DAB1: variants seen among roughly 807,000 people sequenced by gnomAD.
The protein encoded by DAB1 is disabled homolog 1.
In DAB1, 15 loss-of-function variants were observed where a neutral mutation model predicts 64.6. The ratio of observed to expected loss-of-function variants is 0.23; its 90% CI spans 0.16 to 0.36. DAB1 has a LOEUF of 0.36. Ranked by LOEUF, DAB1 falls within the 10% of genes least tolerant of loss-of-function variation. DAB1 has a pLI of 1.00. For missense variants in DAB1, 596 were observed against 706.7 expected (o/e 0.84, Z 1.78); for synonymous variants, 235 against 251.9 (o/e 0.93, Z 0.64).
intron 4 of DAB1, among the ~76,000 whole-genome samples, chr1:57,102,967 A>G (rs941344270): frequency 1.2e-4 from 19 of 152,216 alleles, no homozygotes; most frequent in Middle Eastern, 6.8e-3. Flanking sequence ...TTTCTCCCCA[A>G]AATGGCAGGG....
chr1:57,376,020 G>C (rs1221301475), intron 1 of DAB1, among the ~76,000 whole-genome samples: 5 of 152,154 alleles, frequency 3.3e-5, no homozygotes, highest in African/African-American at 1.2e-4. Context: ...TGCACTCCCA[G>C]AGGTATGAAC....
At chr1:58,533,844 A>C in intron 1 of DAB1, 1 of 722,024 alleles carries the variant, frequency 1.4e-6, no homozygotes, top group Non-Finnish European at 2.5e-6. Context: ...CCCAAAACTA[A>C]AAGTCTATCA....
At position 57,192,129 on chromosome 1, in the gene DAB1, C is replaced by T. The variant is rs368010457; in HGVS notation, c.68-46700G>A. ...GTCAGGAGTTTGAGACTAGCCTTGC[C>T]AACATGGTAAAACTCTGTCTCTACT... On this transcript the variant is annotated intron_variant, in intron 2 of 14. Transcript: ENST00000371236. 3.2e-4 allele frequency among the ~76,000 whole-genome samples: 49 copies of T among 152,034 alleles called. 1 individual carries two copies. The South Asian group carries it at 8.3e-3, about 26-fold the overall frequency.
chr1:57,859,271 C>A (rs980162818), intron 1 of DAB1, among the ~76,000 whole-genome samples: 2 of 152,132 alleles, frequency 1.3e-5, no homozygotes, highest in Non-Finnish European at 2.9e-5. Context: ...ATTAGTGATT[C>A]GTATTTGCTG....
intron 3 of DAB1, among the ~76,000 whole-genome samples, chr1:58,374,010 ACTTTTTGATGGGGTT>A (rs1313567207): frequency 1.8e-5 from 2 of 110,076 alleles, no homozygotes; most frequent in Non-Finnish European, 3.9e-5. Flanking sequence ...TCCTTCGCCC[ACTTTTTGATGGGGTT>A]CTTTGTTTTT....
chr1:58,166,067 G>A (rs1165354478), intron 4 of DAB1, among the ~76,000 whole-genome samples: 2 of 152,146 alleles, frequency 1.3e-5, no homozygotes, highest in African/African-American at 2.4e-5. Context: ...ATGCAATTTT[G>A]CCTCTCTGTA....
chr1:58,155,365 C>A (rs768256290), intron 4 of DAB1, among the ~76,000 whole-genome samples: 61 of 152,130 alleles, frequency 4.0e-4, no homozygotes, highest in Non-Finnish European at 7.1e-4. Context: ...CAATTTAGGA[C>A]AGGGTGCTGC....
chr1:57,587,316 T>G (rs1481479709), intron 7 of DAB1, among the ~76,000 whole-genome samples: 1 of 152,192 alleles, frequency 6.6e-6, no homozygotes, highest in African/African-American at 2.4e-5. Flanking sequence ...GGGATAATAA[T>G]ATCCCACATT....
intron 7 of DAB1, among the ~76,000 whole-genome samples, chr1:57,474,930 C>T (rs1012502445): frequency 6.6e-6 from 1 of 152,032 alleles, no homozygotes; most frequent in South Asian, 2.1e-4. Flanking sequence ...GAGATTATAG[C>T]CTGTGCTCCG....
chr1:57,030,351 A>G (rs1010322928), intron 9 of DAB1, among the ~76,000 whole-genome samples: 1 of 152,242 alleles, frequency 6.6e-6, no homozygotes, highest in Admixed American at 6.5e-5. Context: ...AGACTAATAC[A>G]GAGGCCCAAC....
chr1:58,289,685 A>C (rs552284263), intron 4 of DAB1, among the ~76,000 whole-genome samples: 1 of 152,304 alleles, frequency 6.6e-6, no homozygotes, highest in African/African-American at 2.4e-5. Context: ...ATGATTTAGA[A>C]TTTGCTACGG....
intron 11 of DAB1, among the ~76,000 whole-genome samples, chr1:57,021,173 G>A (rs979348253): frequency 5.9e-5 from 9 of 152,204 alleles, no homozygotes; most frequent in African/African-American, 2.2e-4. Flanking sequence ...TGTTCTAAAA[G>A]TTGAAATCTT....
intron 1 of DAB1, among the ~76,000 whole-genome samples, chr1:57,306,513 CTTT>C (rs1166241090): frequency 1.7e-4 from 20 of 114,320 alleles, no homozygotes; most frequent in African/African-American, 4.6e-4. Context: ...TTAGAACAGG[CTTT>C]TTTTTTTTTT....
intron 4 of DAB1, among the ~76,000 whole-genome samples, chr1:58,275,078 G>C (rs1661409479): frequency 6.6e-6 from 1 of 152,178 alleles, no homozygotes; most frequent in Admixed American, 6.5e-5. Context: ...CACTTAATAA[G>C]GAGAGGACAA....
rs956069345 is a variant in DAB1, at chr1:57,288,999, A to G, written c.67+1965T>C. Among the ~76,000 whole-genome samples, 6 of 152,342 alleles carry G rather than the reference A, an allele frequency of 3.9e-5. No homozygotes were observed. In the East Asian group the frequency reaches 1.2e-3, roughly 29 times the overall value. ...ATACTTTCAAAGGTCACATTGTGAG[A>G]AAGTGGTAAAGCCAGAATTTGAATC... On this transcript the variant is annotated intron_variant, in intron 2 of 14. Transcript: ENST00000371236.
chr1:57,190,351 G>T (rs1664017437), intron 2 of DAB1, among the ~76,000 whole-genome samples: 1 of 152,136 alleles, frequency 6.6e-6, no homozygotes, highest in Admixed American at 6.5e-5. Context: ...TATAAAGGTG[G>T]TCTCATTCAA....
intron 4 of DAB1, among the ~76,000 whole-genome samples, chr1:58,277,133 G>T (rs529273747): frequency 6.7e-6 from 1 of 149,456 alleles, no homozygotes; most frequent in East Asian, 2.0e-4. Context: ...TCCGCCTCCC[G>T]GGTTCAAGCG....
chr1:57,955,865 T>G (rs970607058), intron 5 of DAB1, among the ~76,000 whole-genome samples: 9 of 152,302 alleles, frequency 5.9e-5, no homozygotes, highest in African/African-American at 2.2e-4. Context: ...TATTTGCTAA[T>G]TATATGGTAT....
At chr1:57,441,242 A>G (rs543030525) in intron 7 of DAB1, among the ~76,000 whole-genome samples, 114 of 147,642 alleles carry the variant, frequency 7.7e-4, no homozygotes, top group African/African-American at 2.7e-3. Flanking sequence ...CACAGGTACA[A>G]TCTTTTCTTT....
Sources: allele counts gnomAD v4.1 joint callset (sites outside exome capture counted in the v4.1 genomes callset), GRCh38; gene constraint gnomAD v4.1.1; transcripts MANE v1.5; gene names NCBI Gene and HGNC (gene_info 2026-07-23, HGNC 2026-07-21).